Variants in ANKMY1 observed in about 807,000 individuals in gnomAD.
ANKMY1 encodes the protein ankyrin repeat and MYND domain-containing protein 1.
Under a neutral mutation model 102.0 loss-of-function variants are expected in ANKMY1, and 98 were observed. That is an observed-to-expected ratio of 0.96 (90% CI 0.82 to 1.14). ANKMY1 has a LOEUF of 1.14. Among genes scored for constraint, ANKMY1 ranks in the 50% most tolerant of loss-of-function variants. ANKMY1 has a pLI of 0.00. For synonymous variants in ANKMY1, 582 were observed against 559.9 expected, an observed-to-expected ratio of 1.04 and a Z score of -0.56; for missense variants, 1,330 against 1,347.6, an observed-to-expected ratio of 0.99 and a Z score of 0.20.
intron 4 of ANKMY1, among the ~76,000 whole-genome samples, chr2:240,549,365 C>G (rs1360730648): frequency 6.6e-6 from 1 of 151,512 alleles, no homozygotes; most frequent in Non-Finnish European, 1.5e-5. Context: ...AAAATCAATT[C>G]AAGATGGATT....
At chr2:240,537,917 C>G (rs2087286925) in intron 4 of ANKMY1, among the ~76,000 whole-genome samples, 1 of 152,234 alleles carries the variant, frequency 6.6e-6, no homozygotes, top group Non-Finnish European at 1.5e-5. Context: ...CCAGCTGCTT[C>G]TGTACCTCGC....
At chr2:240,560,281 G>A (rs2092837084), upstream of ANKMY1, 2 of 164,612 alleles carry the variant, frequency 1.2e-5, no homozygotes, top group Non-Finnish European at 1.3e-5. Flanking sequence ...CGGACGCGAA[G>A]TGGGCGGGCC....
intron 2 of ANKMY1, among the ~76,000 whole-genome samples, chr2:240,556,989 G>T (rs1337903269): frequency 2.0e-5 from 3 of 150,618 alleles, no homozygotes; most frequent in Non-Finnish European, 4.4e-5. Flanking sequence ...GAAGGGACAT[G>T]AGAAGGTTCC....
chr2:240,475,094 T>C (rs1242610150), downstream of ANKMY1, among the ~76,000 whole-genome samples: 1 of 152,248 alleles, frequency 6.6e-6, no homozygotes, highest in African/African-American at 2.4e-5. Context: ...CTATTAATTT[T>C]ACTTTTAATC....
At chr2:240,557,037 G>GAC (rs2092423220) in intron 2 of ANKMY1, among the ~76,000 whole-genome samples, 153 bp downstream of exon 2, 1 of 152,130 alleles carries the variant, frequency 6.6e-6, no homozygotes, top group Non-Finnish European at 1.5e-5. Context: ...GTAGGTTGCT[G>GAC]ACACAGTGTT....
intron 4 of ANKMY1, among the ~76,000 whole-genome samples, chr2:240,544,476 T>C (rs903369628): frequency 5.3e-5 from 8 of 152,226 alleles, no homozygotes; most frequent in Non-Finnish European, 7.3e-5. Flanking sequence ...TGCTCAAAGT[T>C]AAAGGTCTTA....
chr2:240,554,764 G>T, intron 3 of ANKMY1, 102 bp downstream of exon 3: 1 of 1,370,240 alleles, frequency 7.3e-7, no homozygotes, highest in Non-Finnish European at 1.0e-6. Flanking sequence ...CACCCTTCCT[G>T]TTGATGGGCC....
rs571062722 is a variant in ANKMY1 at position 240,547,347 on chromosome 2, G to T, written c.480+5567C>A. The stretch of plus-strand genomic sequence containing the variant: ...AAGACATAACATACCAGAATCTCTG[G>T]GACGCATTCAAAGCAGCGTGTAGAG... On this transcript the variant is annotated intron_variant, in intron 4 of 17. Transcript: ENST00000401804. Among the ~76,000 whole-genome samples the T allele has an allele frequency of 1.0e-3, 155 of 151,884 alleles. 1 individual carries two copies. Among genetic ancestry groups the T allele is most frequent in the Non-Finnish European group, 1.9e-3 (130 of 67,948 alleles).
chr2:240,511,544 G>C (rs1474106420), intron 11 of ANKMY1, among the ~76,000 whole-genome samples: 1 of 152,256 alleles, frequency 6.6e-6, no homozygotes, highest in Non-Finnish European at 1.5e-5. Context: ...AGACACATGA[G>C]GATGACAGAG....
At chr2:240,513,641 G>T (rs1043461643) in intron 9 of ANKMY1, among the ~76,000 whole-genome samples, 2 of 152,270 alleles carry the variant, frequency 1.3e-5, no homozygotes, top group African/African-American at 4.8e-5. Flanking sequence ...ACAGGAACTT[G>T]GGGAGAGCAG....
At position 240,521,491 on chromosome 2, in the gene ANKMY1, C is replaced by CTTTTTT. The variant is rs1162330484; in HGVS notation, c.1833-964_1833-959dup. ...AGTCGCGGAACTCGCGGTGTTACAGCTTTTTTTTTTTTTTTTTTTTTTTTT... is the reference window on the plus strand; with the variant it reads ...AGTCGCGGAACTCGCGGTGTTACAGCTTTTTTTTTTTTTTTTTTTTTTTTTTTTTTT... On this transcript the variant is annotated intron_variant, in intron 8 of 17. Transcript: ENST00000401804. Among the ~76,000 whole-genome samples the CTTTTTT allele has an allele frequency of 1.4e-4, 10 of 69,626 alleles. 1 individual carries two copies. The highest frequency in any genetic ancestry group is 2.4e-4 in the African/African-American group (4 of 16,634). 45.7% of individuals were successfully genotyped at this position (69,626 alleles called of 152,430 possible).
Position 240,511,954 on chromosome 2 carries a change from A to G in ANKMY1, c.2193T>C (p.Pro731=). The change falls in exon 11 of 18, where the codon CCT becomes CCC. Residue 731 remains proline, a synonymous_variant. Coordinates refer to ENST00000401804, the MANE Select transcript of ANKMY1 (RefSeq NM_001282771.3). ...TGTCCGTGCTGTAGTAGGCTTGGGG[A>G]GGGCCTGGCTCATTGCTGAGCTTCA... ...SSLKLSNEPG[P]PQAYYSTDTA... The G allele has an allele frequency of 6.4e-7, 1 of 1,566,774 alleles. No homozygotes were observed. The highest frequency in any genetic ancestry group is 8.6e-7 in the Non-Finnish European group (1 of 1,164,674).
intron 4 of ANKMY1, among the ~76,000 whole-genome samples, chr2:240,530,592 C>A (rs1184931668): frequency 1.3e-5 from 2 of 152,208 alleles, no homozygotes; most frequent in East Asian, 1.9e-4. Context: ...GCCAATCACA[C>A]CTCTTTTCTT....
rs1226993315 is a variant in ANKMY1, at chr2:240,524,130, G to A, written c.1587C>T (p.Gly529=). ...GCCCGCTTTCCACATGGCCAAGGCT[G>A]CCCTTCACCAACGGGGAGTCCCCCT... The part of the protein sequence containing the change: ...SLKGDSPLVK[G]SLGHVESGLE... The change falls in exon 8 of 18, where the codon GGC becomes GGT. Residue 529 remains glycine (G), a synonymous_variant. Transcript: ENST00000401804. The A allele has an allele frequency of 6.2e-7, 1 of 1,614,040 alleles. No individual in the cohort carries two copies. The highest frequency in any genetic ancestry group is 1.3e-5 in the African/African-American group (1 of 75,056).
At chr2:240,528,991 T>C (rs115570421) in intron 5 of ANKMY1, 46 bp downstream of exon 5, 31,057 of 1,579,854 alleles carry the variant, frequency 0.02, 499 homozygotes, top group Middle Eastern at 0.074. Context: ...TAGGGCAGCC[T>C]GCACAGTGCA....
At position 240,482,218 on chromosome 2, in the gene ANKMY1, G is replaced by C. The variant is rs769611422; in HGVS notation, c.2850C>G (p.Ser950Arg). The C allele has an allele frequency of 2.5e-6, 4 of 1,612,920 alleles. No homozygotes were observed. The highest frequency in any genetic ancestry group is 3.4e-6 in the Non-Finnish European group (4 of 1,179,446). ...CCTTCACATCCAGGCCCCTGGGCAGGCTGGGGCCCTTCTTCTTCATCCTGT... is the reference window on the plus strand; with the variant it reads ...CCTTCACATCCAGGCCCCTGGGCAGCCTGGGGCCCTTCTTCTTCATCCTGT... Reference protein sequence around the residue: ...PSHRMKKKGPSLPRGLDVKEQ... With the variant: ...PSHRMKKKGPRLPRGLDVKEQ... Residue 950 changes from serine (S) to arginine (R), a missense_variant, in exon 16 of 18, where the codon AGC becomes AGG. Physicochemically the swap from Ser to Arg is moderately radical, Grantham distance 110 (BLOSUM62 -1). Coordinates refer to ENST00000401804, the MANE Select transcript of ANKMY1 (RefSeq NM_001282771.3).
chr2:240,498,845 C>A (rs533686855), intron 15 of ANKMY1, among the ~76,000 whole-genome samples: 1 of 152,066 alleles, frequency 6.6e-6, no homozygotes, highest in Non-Finnish European at 1.5e-5. Context: ...GGGACACCCC[C>A]GCCTTCTCTC....
chr2:240,509,857 C>T (rs910569657), intron 11 of ANKMY1, among the ~76,000 whole-genome samples: 6 of 151,980 alleles, frequency 3.9e-5, no homozygotes, highest in Non-Finnish European at 8.8e-5. Flanking sequence ...TCGTAGAGGA[C>T]GGCCTGAGTG....
chr2:240,500,392 C>CG, intron 14 of ANKMY1, 60 bp downstream of exon 14: 1 of 1,511,170 alleles, frequency 6.6e-7, no homozygotes, highest in Non-Finnish European at 9.1e-7. Flanking sequence ...ATGCCCCAGC[C>CG]GGGGGCCCTG....
Sources: gnomAD v4.1 joint callset for allele counts (sites outside exome capture counted in the v4.1 genomes callset) on GRCh38, gnomAD v4.1.1 for gene constraint, MANE v1.5 for transcripts, NCBI Gene and HGNC (gene_info 2026-07-23, HGNC 2026-07-21) for gene names.